The following LPAR5 variants were observed in gnomAD, a reference collection of about 807,000 sequenced individuals.
LPAR5 encodes G protein-coupled receptor 92.
For synonymous variants in LPAR5, 271 were observed against 261.6 expected (o/e 1.04, Z -0.35); for missense variants, 544 against 521.8 (o/e 1.04, Z -0.41).
In LPAR5 at chr12:6,634,385, C is replaced by T. The variant is rs117455307; in HGVS notation, c.-217+1522G>A. ...ATCCCAGCACTTTGGGAGGCAGAGG[C>T]GAATGGATCACTTTAGCGCGAGTTC... On this transcript the variant is annotated intron_variant, in intron 1 of 1. Transcript: ENST00000329858. 1.6e-3 allele frequency among the ~76,000 whole-genome samples: 249 copies of T among 151,810 alleles called. 3 individuals carry two copies. In the East Asian group the frequency reaches 0.044, roughly 27 times the overall value.
intron 1 of LPAR5, among the ~76,000 whole-genome samples, chr12:6,626,842 G>A (rs971529401): frequency 6.6e-5 from 10 of 152,254 alleles, no homozygotes; most frequent in Non-Finnish European, 8.8e-5. Flanking sequence ...TTGTGCCTCC[G>A]CAACAGTGCG....
At chr12:6,626,162 C>T (rs1948938411) in intron 1 of LPAR5, among the ~76,000 whole-genome samples, 1 of 152,032 alleles carries the variant, frequency 6.6e-6, no homozygotes, top group Non-Finnish European at 1.5e-5. Context: ...TCCCAGCTAC[C>T]CGGGAGACTG....
chr12:6,633,247 T>G (rs1400602169), intron 1 of LPAR5, among the ~76,000 whole-genome samples: 1 of 152,154 alleles, frequency 6.6e-6, no homozygotes, highest in African/African-American at 2.4e-5. Flanking sequence ...CCCTGACCTG[T>G]GTCCTGAGGT....
At chr12:6,631,396 G>T (rs1259439563) in intron 1 of LPAR5, among the ~76,000 whole-genome samples, 1 of 152,150 alleles carries the variant, frequency 6.6e-6, no homozygotes, top group Non-Finnish European at 1.5e-5. Context: ...TCACAAGCAT[G>T]GGAGATCTCA....
In LPAR5 at chr12:6,620,367, C is replaced by G; in HGVS notation, c.882G>C (p.Pro294=). 1 of 1,611,634 alleles carries G rather than the reference C, an allele frequency of 6.2e-7. No homozygotes were observed. ...CCTCGGCGCTAAAGTAGTACACCAG[C>G]GGGTCCAGCACGCAGTTGGCGCCGG... ...LLAGANCVLD[P]LVYYFSAEGF... Residue 294 remains proline, a synonymous_variant, in exon 2 of 2, where the codon CCG becomes CCC. Transcript: ENST00000329858. This position sits in a 1 kb window ranked among gnomAD's most constrained non-coding sequence, Gnocchi z 6.8.
intron 1 of LPAR5, among the ~76,000 whole-genome samples, chr12:6,627,857 G>A (rs1013208995): frequency 5.3e-5 from 4 of 75,244 alleles, no homozygotes; most frequent in African/African-American, 2.1e-4. Context: ...CCCCGCCCAC[G>A]CTCTAATCCT....
chr12:6,620,345 C>G lies in LPAR5; in HGVS notation c.904G>C (p.Glu302Gln), dbSNP rs542097370. 8.1e-6 allele frequency: 13 copies of G among 1,610,784 alleles called. No homozygotes were observed. The East Asian group carries it at 2.9e-4, about 36-fold the overall frequency. Residue 302 changes from glutamate (E) to glutamine (Q), a missense_variant, in exon 2 of 2, where the codon GAG becomes CAG. By Grantham distance (29) the Glu-to-Gln change is conservative (BLOSUM62 2). Transcript: ENST00000329858. This position sits in a 1 kb window ranked among gnomAD's most constrained non-coding sequence, Gnocchi z 6.8. ...LDPLVYYFSA[E>Q]GFRNTLRGLG... ...CCGCGCAGGGTGTTGCGGAAGCCCT[C>G]GGCGCTAAAGTAGTACACCAGCGGG...
At chr12:6,630,433 C>CTTTTTTTTTTTTTTTTTTTTTTTTTTTT (rs34529805) in intron 1 of LPAR5, among the ~76,000 whole-genome samples, 2 of 41,754 alleles carry the variant, frequency 4.8e-5, no homozygotes, top group Non-Finnish European at 8.7e-5. Flanking sequence ...CCCAGCCCAT[C>CTTTTTTTTTTTTTTTTTTTTTTTTTTTT]TTTTTTTTTT....
rs10601159 is a variant in LPAR5 at position 6,619,356 on chromosome 12, AGAGAG to A, written c.*769_*773del. On this transcript the variant is annotated 3_prime_UTR_variant, in exon 2 of 2. Transcript: ENST00000329858. The stretch of plus-strand genomic sequence containing the variant: ...AGGGAGAGAGAGAGAAGAGGAGAAG[AGAGAG>A]GAGAGGAGAGGAGAGAGAAGAGAGA... The A allele has an allele frequency of 0.7, 105,204 of 150,878 alleles. 39,139 individuals are homozygous for A. Among genetic ancestry groups the A allele is most frequent in the Non-Finnish European group, 0.82 (55,828 of 67,756 alleles). 9.3% of individuals were successfully genotyped at this position (150,878 alleles called of 1,614,324 possible). A position where few individuals can be genotyped will look rare whatever the true frequency, so the allele number is the denominator to read the frequency against.
Position 6,620,217 on chromosome 12 carries a change from C to A in LPAR5, c.1032G>T (p.Pro344=). The change falls in exon 2 of 2, where the codon CCG becomes CCT. Residue 344 remains proline, a synonymous_variant. Transcript: ENST00000329858. This position sits in a 1 kb window ranked among gnomAD's most constrained non-coding sequence, Gnocchi z 6.8. ...GGAGCAGCCCCTGACTGGCGGCATCCGGCCTGGTGGCGTCGGTGGTGACGG... is the reference window on the plus strand; with the variant it reads ...GGAGCAGCCCCTGACTGGCGGCATCAGGCCTGGTGGCGTCGGTGGTGACGG... The part of the protein sequence containing the change: ...RSAVTTDATR[P]DAASQGLLRP... 1.2e-6 allele frequency: 2 copies of A among 1,612,468 alleles called. No individual in the cohort carries two copies. The highest frequency in any genetic ancestry group is 1.7e-6 in the Non-Finnish European group (2 of 1,179,298).
In LPAR5 at chr12:6,619,286, CT is replaced by C. The variant is rs1948865077; in HGVS notation, c.*843del. 6.6e-6 allele frequency: 1 copy of C among 151,582 alleles called. No individual in the cohort carries two copies. The highest frequency in any genetic ancestry group is 2.1e-4 in the South Asian group (1 of 4,822). The allele number at this position is 151,582 out of a possible 1,614,324, so 9.4% of individuals were successfully genotyped here. On this transcript the variant is annotated 3_prime_UTR_variant, in exon 2 of 2. Coordinates refer to ENST00000329858, the MANE Select transcript of LPAR5 (RefSeq NM_020400.6). The stretch of plus-strand genomic sequence containing the variant: ...AGACCAAAAAGTTTGAGAACCAGTG[CT>C]TTAGTAGAAAGAATTTTATCCTTAC...
In LPAR5 at chr12:6,620,349, G is replaced by C. The variant is rs1372302644; in HGVS notation, c.900C>G (p.Ser300Arg). The C allele has an allele frequency of 6.2e-7, 1 of 1,611,004 alleles. No homozygotes were observed. The highest frequency in any genetic ancestry group is 1.3e-5 in the African/African-American group (1 of 75,014). ...CVLDPLVYYF[S>R]AEGFRNTLRG... ...GCAGGGTGTTGCGGAAGCCCTCGGCGCTAAAGTAGTACACCAGCGGGTCCA... is the reference window on the plus strand; with the variant it reads ...GCAGGGTGTTGCGGAAGCCCTCGGCCCTAAAGTAGTACACCAGCGGGTCCA... The change falls in exon 2 of 2, where the codon AGC becomes AGG. Residue 300 changes from serine (S) to arginine (R), a missense_variant. Ser to Arg is a moderately radical substitution (Grantham distance 110). Coordinates refer to ENST00000329858, the MANE Select transcript of LPAR5 (RefSeq NM_020400.6). The surrounding 1 kb of genome is among the most constrained non-coding windows in gnomAD (Gnocchi z 6.8).
chr12:6,629,325 G>A (rs1359821647), intron 1 of LPAR5, among the ~76,000 whole-genome samples: 3 of 147,454 alleles, frequency 2.0e-5, no homozygotes, highest in African/African-American at 5.0e-5. Flanking sequence ...GCAGTGAGCC[G>A]AGATCGTGCC....
rs34529805 is a variant in LPAR5, at chr12:6,630,433, C to CTTTTTTTTTTTTTTT, written c.-217+5459_-217+5473dup. 1.1e-3 allele frequency among the ~76,000 whole-genome samples: 44 copies of CTTTTTTTTTTTTTTT among 41,824 alleles called. 6 individuals carry two copies. Among genetic ancestry groups the CTTTTTTTTTTTTTTT allele is most frequent in the Non-Finnish European group, 1.4e-3 (32 of 22,928 alleles). 27.4% of individuals were successfully genotyped at this position (41,824 alleles called of 152,430 possible). ...GAGTGAACCACTGCACCCAGCCCAT[C>CTTTTTTTTTTTTTTT]TTTTTTTTTTTTTTTTTTTTTTTTT... On this transcript the variant is annotated intron_variant, in intron 1 of 1. Transcript: ENST00000329858.
chr12:6,634,542 A>C (rs1287458169), intron 1 of LPAR5, among the ~76,000 whole-genome samples: 4 of 151,764 alleles, frequency 2.6e-5, no homozygotes, highest in Non-Finnish European at 4.4e-5. Flanking sequence ...CTGAGGCAGG[A>C]TAATAGCTTG....
At position 6,619,999 on chromosome 12, in the gene LPAR5, TG is replaced by T; in HGVS notation, c.*130del. The T allele has an allele frequency of 8.0e-7, 1 of 1,244,646 alleles. No homozygotes were observed. The highest frequency in any genetic ancestry group is 1.2e-6 in the Non-Finnish European group (1 of 868,508). The allele number at this position is 1,244,646 out of a possible 1,614,324, so 77.1% of individuals were successfully genotyped here. Reference sequence around the variant, plus strand: ...CTGGCTTCCACACTTTGTACTCTTCTGCGTTGCTAAGCTGGAATTGCCACCC... The same window carrying T: ...CTGGCTTCCACACTTTGTACTCTTCTCGTTGCTAAGCTGGAATTGCCACCC... On this transcript the variant is annotated 3_prime_UTR_variant, in exon 2 of 2. Transcript: ENST00000329858.
rs1948893454 is a variant in LPAR5 at position 6,621,183 on chromosome 12, G to T, written c.66C>A (p.His22Gln). The change falls in exon 2 of 2, where the codon CAC becomes CAA. Residue 22 changes from histidine to glutamine, a missense_variant. Physicochemically the swap from His to Gln is conservative, Grantham distance 24. Coordinates refer to ENST00000329858, the MANE Select transcript of LPAR5 (RefSeq NM_020400.6). Reference sequence around the variant, plus strand: ...AGCTGTAGACCACCAAGTGCAGGCGGTGGGTAGGTCGGTAGTCAGGACACG... The same window carrying T: ...AGCTGTAGACCACCAAGTGCAGGCGTTGGGTAGGTCGGTAGTCAGGACACG... ...VLPCPDYRPT[H>Q]RLHLVVYSLV... 2.6e-6 allele frequency: 4 copies of T among 1,567,760 alleles called. No individual in the cohort carries two copies. The East Asian group carries it at 9.0e-5, about 35-fold the overall frequency.
Position 6,620,959 on chromosome 12 carries a change from G to C in LPAR5, c.290C>G (p.Thr97Arg). 6.2e-7 allele frequency: 1 copy of C among 1,612,876 alleles called. No individual in the cohort carries two copies. Among genetic ancestry groups the C allele is most frequent in the Non-Finnish European group, 8.5e-7 (1 of 1,179,532 alleles). The change falls in exon 2 of 2, where the codon ACG (threonine) becomes AGG (arginine). Residue 97 changes from threonine (T) to arginine (R), a missense_variant. Physicochemically the swap from Thr to Arg is moderately conservative, Grantham distance 71 (BLOSUM62 -1). Transcript: ENST00000329858. This position sits in a 1 kb window ranked among gnomAD's most constrained non-coding sequence, Gnocchi z 6.8. Reference protein sequence around the residue: ...WPFPDLLCQTTGAIFQMNMYG... With the variant: ...WPFPDLLCQTRGAIFQMNMYG... ...CATGTTCATCTGGAAGATGGCGCCC[G>C]TCGTCTGGCACAGGAGGTCGGGGAA...
chr12:6,624,280 G>A (rs192018133), intron 1 of LPAR5, among the ~76,000 whole-genome samples: 2 of 151,784 alleles, frequency 1.3e-5, no homozygotes, highest in African/African-American at 4.8e-5. Context: ...ATCGCACTCC[G>A]GCCTGGGAGA....
Sources: allele counts gnomAD v4.1 joint callset (sites outside exome capture counted in the v4.1 genomes callset), GRCh38; gene constraint gnomAD v4.1.1; non-coding constraint Gnocchi (gnomAD v3.1); transcripts MANE v1.5; gene names NCBI Gene and HGNC (gene_info 2026-07-23, HGNC 2026-07-21).